Variants in RNF144A observed in about 807,000 individuals in gnomAD.
RNF144A encodes E3 ubiquitin-protein ligase RNF144A.
A neutral mutation model predicts 38.7 loss-of-function variants in RNF144A; 11 were observed. The ratio of observed to expected loss-of-function variants is 0.28; its 90% CI spans 0.18 to 0.47. The LOEUF (loss-of-function observed/expected upper bound fraction) is 0.47, where lower values mean the gene tolerates loss of function less well. Among genes scored for constraint, RNF144A ranks in the 20% least tolerant of loss-of-function variants. The probability of loss-of-function intolerance (pLI) is 0.99; values close to 1 mark genes in which losing one functional copy is unlikely to be tolerated. For synonymous variants in RNF144A, 149 were observed against 143.9 expected, an observed-to-expected ratio of 1.04 and a Z score of -0.25; for missense variants, 316 against 377.2, an observed-to-expected ratio of 0.84 and a Z score of 1.34.
At position 7,043,809 on chromosome 2, in the gene RNF144A, G is replaced by T; in HGVS notation, c.*4049G>T. The T allele has an allele frequency of 1.0e-6, 1 of 985,814 alleles. No homozygotes were observed. The highest frequency in any genetic ancestry group is 1.2e-6 in the Non-Finnish European group (1 of 829,936). The allele number at this position is 985,814 out of a possible 1,614,324, so 61.1% of individuals were successfully genotyped here. ...AGGGGTAGCTACATGCCCCATGCCT[G>T]CCCTTTCTTTCCTTCTTTGCTCACT... On this transcript the variant is annotated 3_prime_UTR_variant, in exon 9 of 9. Coordinates refer to ENST00000320892, the MANE Select transcript of RNF144A (RefSeq NM_014746.6).
intron 3 of RNF144A, among the ~76,000 whole-genome samples, chr2:6,998,894 G>A (rs891601665): frequency 6.6e-6 from 1 of 152,136 alleles, no homozygotes; most frequent in Non-Finnish European, 1.5e-5. Context: ...ATGCCTTGTG[G>A]GGGGTGGGGG....
chr2:7,053,506 A>G (rs940514035), intron 6 of RNF144A, among the ~76,000 whole-genome samples: 2 of 152,188 alleles, frequency 1.3e-5, no homozygotes, highest in Admixed American at 1.3e-4. Context: ...ATTTGTTGGC[A>G]GAATTTATTT....
At chr2:6,991,927 CAAGTTGGGGAGGT>C (rs1277704040) in intron 2 of RNF144A, among the ~76,000 whole-genome samples, 1 of 152,134 alleles carries the variant, frequency 6.6e-6, no homozygotes, top group Non-Finnish European at 1.5e-5. Context: ...AATGTATCGT[CAAGTTGGGGAGGT>C]AAATTCACAC....
intron 2 of RNF144A, among the ~76,000 whole-genome samples, chr2:6,957,935 G>A (rs920813164): frequency 3.3e-5 from 5 of 152,214 alleles, no homozygotes; most frequent in Non-Finnish European, 7.3e-5. Context: ...AGCTTGGTGT[G>A]AGGCTCTTAG....
intron 2 of RNF144A, among the ~76,000 whole-genome samples, chr2:6,946,118 C>G (rs537136610): frequency 2.3e-4 from 35 of 152,160 alleles, no homozygotes; most frequent in Non-Finnish European, 4.7e-4. Context: ...TGAGGCTTAA[C>G]AAAAACAAAT....
intron 1 of RNF144A, among the ~76,000 whole-genome samples, chr2:6,931,309 G>T (rs1665197268): frequency 1.3e-5 from 2 of 152,168 alleles, no homozygotes; most frequent in Admixed American, 1.3e-4. Flanking sequence ...ATTGTACCAG[G>T]GTTACTTCTT....
At chr2:7,000,828 A>C (rs1234605309) in intron 3 of RNF144A, among the ~76,000 whole-genome samples, 3 of 151,104 alleles carry the variant, frequency 2.0e-5, no homozygotes, top group Middle Eastern at 3.5e-3. Flanking sequence ...TAAAACATAC[A>C]TATACACATA....
downstream of RNF144A, among the ~76,000 whole-genome samples, chr2:7,047,805 TTG>T (rs138839948): frequency 5.5e-4 from 83 of 152,248 alleles, 1 homozygote; most frequent in African/African-American, 1.9e-3. Flanking sequence ...TTTCCATGGG[TTG>T]TGTTTCATGC....
At chr2:7,017,698 A>G (rs1231156741) in intron 5 of RNF144A, among the ~76,000 whole-genome samples, 1 of 152,234 alleles carries the variant, frequency 6.6e-6, no homozygotes, top group Non-Finnish European at 1.5e-5. Flanking sequence ...GCCAAAAAGC[A>G]TATCATTTGC....
In RNF144A at chr2:6,943,983, G is replaced by A. The variant is rs1028575227; in HGVS notation, c.-12+2836G>A. Among the ~76,000 whole-genome samples, 8 of 152,146 alleles carry A rather than the reference G, an allele frequency of 5.3e-5. No individual in the cohort carries two copies. The highest frequency in any genetic ancestry group is 1.9e-4 in the African/African-American group (8 of 41,430). On this transcript the variant is annotated intron_variant, in intron 2 of 8. Transcript: ENST00000320892. This position sits in a 1 kb window ranked among gnomAD's most constrained non-coding sequence, Gnocchi z 4.3. ...CATGCTTCTCTAGACAGCCCTGATG[G>A]GGAGTTGAAGTGTGCAGGAGGTCAA...
chr2:7,045,763 C>T (rs989029462), downstream of RNF144A, among the ~76,000 whole-genome samples: 1 of 152,142 alleles, frequency 6.6e-6, no homozygotes, highest in African/African-American at 2.4e-5. Flanking sequence ...CCAGGGAGGT[C>T]AACCAGAGAA....
At chr2:6,920,463 A>G (rs1466618480) in intron 1 of RNF144A, among the ~76,000 whole-genome samples, 1 of 152,134 alleles carries the variant, frequency 6.6e-6, no homozygotes, top group Non-Finnish European at 1.5e-5. Flanking sequence ...CTCACTTGCA[A>G]TAGAAGAGGA....
At chr2:7,021,516 G>A (rs1052622369) in intron 6 of RNF144A, among the ~76,000 whole-genome samples, 8 of 152,116 alleles carry the variant, frequency 5.3e-5, no homozygotes, top group African/African-American at 1.4e-4. Context: ...CTCTCTTCCC[G>A]TGTCTGGAGT....
chr2:6,923,285 G>A (rs1196884331), intron 1 of RNF144A, among the ~76,000 whole-genome samples: 1 of 152,210 alleles, frequency 6.6e-6, no homozygotes, highest in Non-Finnish European at 1.5e-5. Context: ...ACGGAAATGC[G>A]CTGAAGCTGG....
At chr2:6,948,987 G>A (rs1218990918) in intron 2 of RNF144A, among the ~76,000 whole-genome samples, 1 of 152,202 alleles carries the variant, frequency 6.6e-6, no homozygotes, top group African/African-American at 2.4e-5. Context: ...GCAGAGGAGA[G>A]GCACCAGTGG....
chr2:7,017,516 G>A (rs145711567), intron 5 of RNF144A, among the ~76,000 whole-genome samples: 77 of 152,262 alleles, frequency 5.1e-4, no homozygotes, highest in African/African-American at 1.6e-3. Context: ...GGGATGCTGG[G>A]TGCATCGTTC....
intron 1 of RNF144A, among the ~76,000 whole-genome samples, chr2:6,933,946 GT>G (rs1422536556): frequency 1.3e-5 from 2 of 151,950 alleles, no homozygotes; most frequent in Non-Finnish European, 2.9e-5. Context: ...TGCTTCCAGG[GT>G]TTTTTGTTTT....
chr2:7,068,132 A>T, intron 6 of RNF144A: 1 of 694,592 alleles, frequency 1.4e-6, no homozygotes, highest in Non-Finnish European at 2.3e-6. Flanking sequence ...TGGTCCCTCT[A>T]TTGTGATGTG....
chr2:7,040,663 G>GTCTGGCC lies in RNF144A; in HGVS notation c.*913_*919dup. ...AATGGTTCTCCTCCGAATTGCTGCCGTCTGGCCTCTGGCCTCAGTCTTCAG... is the reference window on the plus strand; with the variant it reads ...AATGGTTCTCCTCCGAATTGCTGCCGTCTGGCCTCTGGCCTCTGGCCTCAGTCTTCAG... On this transcript the variant is annotated 3_prime_UTR_variant, in exon 9 of 9. Coordinates refer to ENST00000320892, the MANE Select transcript of RNF144A (RefSeq NM_014746.6). 2 of 985,442 alleles carry GTCTGGCC rather than the reference G, an allele frequency of 2.0e-6. No homozygotes were observed. The highest frequency in any genetic ancestry group is 1.7e-5 in the African/African-American group (1 of 57,340). The allele number at this position is 985,442 out of a possible 1,614,324, so 61.0% of individuals were successfully genotyped here. A position where few individuals can be genotyped will look rare whatever the true frequency, so the allele number is the denominator to read the frequency against.
Sources: gnomAD v4.1 joint callset for allele counts (sites outside exome capture counted in the v4.1 genomes callset) on GRCh38, gnomAD v4.1.1 for gene constraint, Gnocchi (gnomAD v3.1) non-coding constraint, MANE v1.5 for transcripts, NCBI Gene and HGNC (gene_info 2026-07-23, HGNC 2026-07-21) for gene names.